TUSC7: variants seen among roughly 807,000 people sequenced by gnomAD.
TUSC7 encodes the protein LSAMP antisense RNA 3.
At chr3:116,716,388 G>A (rs1425902523) in intron 1 of TUSC7, 1 of 152,088 alleles carries the variant, frequency 6.6e-6, no homozygotes, top group Non-Finnish European at 1.5e-5. Flanking sequence ...AGGTGGAGGA[G>A]GGACTATCTA....
At chr3:116,713,780 A>T (rs556472136) in intron 1 of TUSC7, among the ~76,000 whole-genome samples, 64 of 152,296 alleles carry the variant, frequency 4.2e-4, no homozygotes, top group African/African-American at 1.5e-3. Flanking sequence ...AGCCTGGCCA[A>T]CATGGCAAAA....
chr3:116,713,161 C>T (rs560270481), intron 1 of TUSC7, among the ~76,000 whole-genome samples: 1 of 152,260 alleles, frequency 6.6e-6, no homozygotes, highest in South Asian at 2.1e-4. Flanking sequence ...TTTTAATTAG[C>T]AGTCCACCTC....
chr3:116,711,598 A>G (rs541697502), intron 1 of TUSC7, among the ~76,000 whole-genome samples: 1 of 152,300 alleles, frequency 6.6e-6, no homozygotes, highest in East Asian at 1.9e-4. Flanking sequence ...AGACTATTAG[A>G]CCATACCACC....
rs184983593 is a variant in TUSC7, at chr3:116,713,040, A to G, written n.98+3164A>G. 1.5e-3 allele frequency among the ~76,000 whole-genome samples: 222 copies of G among 152,336 alleles called. 1 individual carries two copies. Among genetic ancestry groups the G allele is most frequent in the African/African-American group, 5.1e-3 (210 of 41,574 alleles). On this transcript the variant is annotated intron_variant and non_coding_transcript_variant, in intron 1 of 2. Transcript: ENST00000477805. ...GATTACTTCTAAAACACACATAAAT[A>G]TATCTCTAACCCTGAGTTCATAATC...
At chr3:116,712,255 A>G (rs2051468210) in intron 1 of TUSC7, 1 of 152,234 alleles carries the variant, frequency 6.6e-6, no homozygotes, top group African/African-American at 2.4e-5. Context: ...CAAAACTAGA[A>G]ACACATCTTT....
chr3:116,711,458 C>A (rs778423486), intron 1 of TUSC7, among the ~76,000 whole-genome samples: 3 of 152,048 alleles, frequency 2.0e-5, no homozygotes, highest in Non-Finnish European at 4.4e-5. Context: ...ATTCAGGAAA[C>A]CTGTTTTGTT....
At chr3:116,716,059 G>T (rs1181006589) in intron 1 of TUSC7, 1 of 152,196 alleles carries the variant, frequency 6.6e-6, no homozygotes, top group Non-Finnish European at 1.5e-5. Context: ...AAATGGCAAA[G>T]GCCTTAAATG....
chr3:116,712,949 ACAC>A (rs914470779), intron 1 of TUSC7: 9 of 152,180 alleles, frequency 5.9e-5, no homozygotes, highest in Non-Finnish European at 1.2e-4. Flanking sequence ...TACATGCATT[ACAC>A]CATCAAATTT....
chr3:116,712,824 G>C (rs1300213614), intron 1 of TUSC7: 1 of 152,056 alleles, frequency 6.6e-6, no homozygotes, highest in Non-Finnish European at 1.5e-5. Flanking sequence ...ATGCTTTTAG[G>C]TTACAATCAG....
intron 1 of TUSC7, among the ~76,000 whole-genome samples, chr3:116,716,037 GC>G (rs2051502528): frequency 6.6e-6 from 1 of 152,168 alleles, no homozygotes; most frequent in Non-Finnish European, 1.5e-5. Context: ...GGGGCAATTT[GC>G]CATGACTCAA....
At chr3:116,710,798 GA>G (rs905399400) in intron 1 of TUSC7, among the ~76,000 whole-genome samples, 2 of 151,974 alleles carry the variant, frequency 1.3e-5, no homozygotes, top group Non-Finnish European at 2.9e-5. Flanking sequence ...ACCACAAAAT[GA>G]AAAACAATAA....
At position 116,713,788 on chromosome 3, in the gene TUSC7, A is replaced by G. The variant is rs574498927; in HGVS notation, n.98+3912A>G. On this transcript the variant is annotated intron_variant and non_coding_transcript_variant, in intron 1 of 2. Transcript: ENST00000477805. ...CGAGACCAGCCTGGCCAACATGGCA[A>G]AACCCTGTCTCTAGTAAATATACAA... 7.9e-5 allele frequency among the ~76,000 whole-genome samples: 12 copies of G among 152,274 alleles called. No individual in the cohort carries two copies. In the East Asian group the frequency reaches 2.1e-3, roughly 27 times the overall value.
chr3:116,714,039 T>C (rs1249466477), intron 1 of TUSC7: 1 of 152,112 alleles, frequency 6.6e-6, no homozygotes, highest in Non-Finnish European at 1.5e-5. Flanking sequence ...GTTCATACAG[T>C]GACTTCCTAT....
intron 1 of TUSC7, chr3:116,716,283 TAA>T (rs2051506168): frequency 6.6e-6 from 1 of 152,202 alleles, no homozygotes; most frequent in African/African-American, 2.4e-5. Flanking sequence ...AAGAAATTGT[TAA>T]GTTTTGGCCC....
At chr3:116,716,892 T>G (rs1396966315) in intron 1 of TUSC7, 1 of 152,152 alleles carries the variant, frequency 6.6e-6, no homozygotes, top group East Asian at 1.9e-4. Context: ...AATCCTTGAG[T>G]ATATTTAATT....
At chr3:116,715,376 A>C (rs2051496872) in intron 1 of TUSC7, among the ~76,000 whole-genome samples, 1 of 152,174 alleles carries the variant, frequency 6.6e-6, no homozygotes, top group Non-Finnish European at 1.5e-5. Flanking sequence ...GTAAGATTAC[A>C]TTTAGTTTTG....
intron 1 of TUSC7, among the ~76,000 whole-genome samples, chr3:116,711,762 C>T (rs1026682385): frequency 6.6e-6 from 1 of 152,132 alleles, no homozygotes; most frequent in Non-Finnish European, 1.5e-5. Context: ...AATAAAGCAT[C>T]TCATGAAATA....
At chr3:116,713,394 A>C (rs907404230) in intron 1 of TUSC7, among the ~76,000 whole-genome samples, 2 of 152,152 alleles carry the variant, frequency 1.3e-5, no homozygotes, top group Non-Finnish European at 2.9e-5. Flanking sequence ...CACTTAATAT[A>C]ATATACCATC....
chr3:116,715,240 T>A (rs539429500), intron 1 of TUSC7, among the ~76,000 whole-genome samples: 1 of 152,306 alleles, frequency 6.6e-6, no homozygotes, highest in Non-Finnish European at 1.5e-5. Flanking sequence ...ACTGAACATC[T>A]TGGTTACTTC....
Sources: allele counts gnomAD v4.1 joint callset (sites outside exome capture counted in the v4.1 genomes callset), GRCh38; gene constraint gnomAD v4.1.1; transcripts MANE v1.5; gene names NCBI Gene and HGNC (gene_info 2026-07-23, HGNC 2026-07-21).